The following CMSS1 variants were observed in gnomAD, a reference collection of about 807,000 sequenced individuals.
CMSS1 encodes protein CMSS1.
Under a neutral mutation model 43.5 loss-of-function variants are expected in CMSS1, and 33 were observed. The ratio of observed to expected loss-of-function variants is 0.76; its 90% CI spans 0.57 to 1.01. The LOEUF (loss-of-function observed/expected upper bound fraction) is 1.01, where lower values mean the gene tolerates loss of function less well. Ranked by LOEUF, CMSS1 falls within the 50% of genes least tolerant of loss-of-function variation. CMSS1 has a pLI of 0.00. For synonymous variants in CMSS1, 115 were observed against 117.2 expected (o/e 0.98, Z 0.12); for missense variants, 313 against 326.4 (o/e 0.96, Z 0.32).
chr3:99,987,958 A>G (rs1452148340), intron 1 of CMSS1, among the ~76,000 whole-genome samples: 1 of 152,208 alleles, frequency 6.6e-6, no homozygotes, highest in Non-Finnish European at 1.5e-5. Context: ...CTGTTCTTCC[A>G]GGCCATCATT....
At chr3:99,935,355 T>C (rs1707630067) in intron 1 of CMSS1, among the ~76,000 whole-genome samples, 1 of 152,170 alleles carries the variant, frequency 6.6e-6, no homozygotes, top group Admixed American at 6.5e-5. Context: ...CTAGTGAGTT[T>C]ACAAGGGAAA....
intron 1 of CMSS1, among the ~76,000 whole-genome samples, chr3:99,966,747 T>C (rs979892734): frequency 1.3e-5 from 2 of 152,196 alleles, no homozygotes; most frequent in Non-Finnish European, 2.9e-5. Flanking sequence ...GAAAAATCAT[T>C]TGGTGAGCAG....
In CMSS1 at chr3:100,146,995, A is replaced by G. The variant is rs759883566; in HGVS notation, c.87A>G (p.Glu29=). ...SSPEASDGEG[E]GDTEVMQQET... ...TAGAAGCATCAGATGGTGAAGGAGA[A>G]GGAGACACAGAAGTGATGCAGCAGG... The change falls in exon 2 of 10, where the codon GAA becomes GAG. Residue 29 remains glutamate (E), a synonymous_variant. Transcript: ENST00000421999. 6.2e-7 allele frequency: 1 copy of G among 1,613,836 alleles called. No individual in the cohort carries two copies. Among genetic ancestry groups the G allele is most frequent in the African/African-American group, 1.3e-5 (1 of 75,050 alleles).
chr3:99,892,949 C>T (rs989008694), intron 1 of CMSS1, among the ~76,000 whole-genome samples: 4 of 152,084 alleles, frequency 2.6e-5, no homozygotes, highest in African/African-American at 4.8e-5. Flanking sequence ...GAAGATGAGG[C>T]CCCTGTTGGT....
At chr3:100,075,282 A>T (rs190427485) in intron 1 of CMSS1, among the ~76,000 whole-genome samples, 60 of 152,332 alleles carry the variant, frequency 3.9e-4, no homozygotes, top group Non-Finnish European at 2.8e-4. Context: ...ACACAAGAGA[A>T]CAATCTAGAG....
intron 1 of CMSS1, among the ~76,000 whole-genome samples, chr3:99,837,688 C>G (rs1942957325): frequency 6.6e-6 from 1 of 152,298 alleles, no homozygotes; most frequent in Non-Finnish European, 1.5e-5. Context: ...TCCTTCTGAC[C>G]TGGGAAGATA....
chr3:100,162,186 C>A, intron 3 of CMSS1, 117 bp from the exon 4 acceptor site: 1 of 728,712 alleles, frequency 1.4e-6, no homozygotes. Context: ...AACCCACATT[C>A]ACACTTGGCT....
intron 2 of CMSS1, among the ~76,000 whole-genome samples, chr3:100,148,239 G>A (rs535888389): frequency 1.3e-5 from 2 of 152,076 alleles, no homozygotes; most frequent in Admixed American, 1.3e-4. Flanking sequence ...CCACCACACC[G>A]GCTAATTTCT....
chr3:100,014,641 T>C (rs926508470), intron 1 of CMSS1, among the ~76,000 whole-genome samples: 6 of 152,190 alleles, frequency 3.9e-5, no homozygotes, highest in African/African-American at 1.4e-4. Context: ...ATGTCTTCTT[T>C]TGAGAAATGT....
At chr3:100,019,051 G>A (rs535257215) in intron 1 of CMSS1, among the ~76,000 whole-genome samples, 27 of 152,290 alleles carry the variant, frequency 1.8e-4, no homozygotes, top group African/African-American at 6.3e-4. Flanking sequence ...ATAAGTGTTG[G>A]CAAAGTGTGA....
chr3:100,055,156 A>G (rs1466778783), intron 1 of CMSS1, among the ~76,000 whole-genome samples: 3 of 152,044 alleles, frequency 2.0e-5, no homozygotes, highest in African/African-American at 7.2e-5. Flanking sequence ...TCCTATCCCA[A>G]TTCAGGTCTC....
chr3:99,867,435 A>C (rs2107572737), intron 1 of CMSS1, among the ~76,000 whole-genome samples: 1 of 152,220 alleles, frequency 6.6e-6, no homozygotes, highest in East Asian at 1.9e-4. Flanking sequence ...TTTTTGAAAA[A>C]AGCTCTGGCT....
At chr3:100,124,043 C>T (rs1380914303) in intron 1 of CMSS1, among the ~76,000 whole-genome samples, 2 of 152,146 alleles carry the variant, frequency 1.3e-5, no homozygotes, top group African/African-American at 2.4e-5. Flanking sequence ...TACCATGGCT[C>T]TTAAAGTATT....
chr3:99,892,156 G>A (rs1385375169), intron 1 of CMSS1, among the ~76,000 whole-genome samples: 3 of 152,146 alleles, frequency 2.0e-5, no homozygotes, highest in Admixed American at 6.6e-5. Flanking sequence ...AAGGGAAACT[G>A]TTCTTATGTG....
intron 1 of CMSS1, among the ~76,000 whole-genome samples, chr3:99,990,213 T>A (rs1709472922): frequency 6.6e-6 from 1 of 151,860 alleles, no homozygotes; most frequent in African/African-American, 2.4e-5. Context: ...CACTGGGTGG[T>A]AGAGAGGGTA....
intron 1 of CMSS1, among the ~76,000 whole-genome samples, chr3:100,121,294 G>T (rs193176262): frequency 7.9e-6 from 1 of 127,222 alleles, no homozygotes; most frequent in East Asian, 2.3e-4. Flanking sequence ...CCCTGTGTCC[G>T]TGTGTTTTCA....
chr3:100,160,893 A>G (rs1295207178), intron 3 of CMSS1, among the ~76,000 whole-genome samples: 3 of 152,236 alleles, frequency 2.0e-5, no homozygotes, highest in Admixed American at 2.0e-4. Context: ...TTAAGACCTT[A>G]TACCTTAAAG....
chr3:99,830,908 A>G (rs1274676753), intron 1 of CMSS1, among the ~76,000 whole-genome samples: 1 of 152,258 alleles, frequency 6.6e-6, no homozygotes, highest in Non-Finnish European at 1.5e-5. Flanking sequence ...ATTAATCTCA[A>G]AGAGCCATGA....
chr3:99,844,512 A>G (rs2107512453), intron 1 of CMSS1, among the ~76,000 whole-genome samples: 1 of 152,362 alleles, frequency 6.6e-6, no homozygotes, highest in South Asian at 2.1e-4. Flanking sequence ...TTTGTCTAAC[A>G]TATTTCAAAG....
Sources: allele counts gnomAD v4.1 joint callset (sites outside exome capture counted in the v4.1 genomes callset), GRCh38; gene constraint gnomAD v4.1.1; transcripts MANE v1.5; gene names NCBI Gene and HGNC (gene_info 2026-07-23, HGNC 2026-07-21).